The following TGM2 variants were observed in gnomAD, a reference collection of about 807,000 sequenced individuals.
TGM2 encodes the protein protein-glutamine gamma-glutamyltransferase 2.
TGM2 carries 53 observed loss-of-function variants against 75.6 expected under a neutral mutation model. That is an observed-to-expected ratio of 0.70 (90% CI 0.56 to 0.88). The LOEUF (loss-of-function observed/expected upper bound fraction) is 0.88. Ranked by LOEUF, TGM2 falls within the 40% of genes least tolerant of loss-of-function variation. TGM2 has a pLI of 0.00. For synonymous variants in TGM2, 374 were observed against 381.1 expected, an observed-to-expected ratio of 0.98 and a Z score of 0.22; for missense variants, 842 against 928.5, an observed-to-expected ratio of 0.91 and a Z score of 1.21.
At position 38,148,675 on chromosome 20, in the gene TGM2, CCT is replaced by C. The variant is rs147112461; in HGVS notation, c.553-588_553-587del. ...GGCCCTTCATGATCTGCTCCCATCC[CCT>C]TTTTGACCTCATCTCTCACCACTCA... is the stretch of plus-strand genomic sequence containing the variant. On this transcript the variant is annotated intron_variant, in intron 4 of 12. Coordinates refer to ENST00000361475, the MANE Select transcript of TGM2 (RefSeq NM_004613.4). 4.6e-3 allele frequency among the ~76,000 whole-genome samples: 697 copies of C among 152,314 alleles called. 3 individuals are homozygous for C. Among genetic ancestry groups the C allele is most frequent in the Non-Finnish European group, 8.0e-3 (542 of 68,036 alleles).
upstream of TGM2, chr20:38,165,504 T>G: frequency 1.9e-6 from 1 of 515,584 alleles, no homozygotes; most frequent in Non-Finnish European, 3.4e-6. Context: ...CAGACACACC[T>G]GGACCCACAG....
intron 3 of TGM2, among the ~76,000 whole-genome samples, chr20:38,153,789 CA>C (rs1441233104): frequency 1.3e-5 from 2 of 152,048 alleles, no homozygotes; most frequent in Non-Finnish European, 2.9e-5. Context: ...AGGGGGAGGC[CA>C]TTTCTCTGTA....
intron 12 of TGM2, among the ~76,000 whole-genome samples, chr20:38,130,635 T>C (rs1350299293): frequency 1.3e-5 from 2 of 152,178 alleles, no homozygotes; most frequent in Admixed American, 1.3e-4. Flanking sequence ...TGTGTGAAAA[T>C]GTATTGAGCT....
rs142761662 is a variant in TGM2, at chr20:38,146,765, G to C, written c.811C>G (p.Arg271Gly). Residue 271 changes from arginine to glycine, a missense_variant, in exon 6 of 13, where the codon CGC becomes GGC. Physicochemically the swap from Arg to Gly is moderately radical, Grantham distance 125. Coordinates refer to ENST00000361475, the MANE Select transcript of TGM2 (RefSeq NM_004613.4). ...ACCCAGCACTGGCCATACTTGACGC[G>C]CTGGCAGCCGTGGTTCTTCCAGCGC... ...LRRWKNHGCQ[R>G]VKYGQCWVFA... 1 of 1,613,684 alleles carries C rather than the reference G, an allele frequency of 6.2e-7. No individual in the cohort carries two copies. The highest frequency in any genetic ancestry group is 8.5e-7 in the Non-Finnish European group (1 of 1,179,898).
chr20:38,165,671 AACAC>A (rs71833660), upstream of TGM2, among the ~76,000 whole-genome samples: 471 of 143,264 alleles, frequency 3.3e-3, 4 homozygotes, highest in Middle Eastern at 6.9e-3. Flanking sequence ...CCCCACCCCC[AACAC>A]ACACACACAC....
intron 10 of TGM2, chr20:38,132,856 C>T (rs1377071561): frequency 1.3e-5 from 6 of 464,470 alleles, no homozygotes; most frequent in East Asian, 6.7e-5. Flanking sequence ...ATGAGCTGAG[C>T]GAGTGTCCCG....
chr20:38,148,201 TG>T, intron 4 of TGM2, 112 bp from the exon 5 acceptor site: 1 of 1,429,140 alleles, frequency 7.0e-7, no homozygotes, highest in Non-Finnish European at 9.8e-7. Flanking sequence ...CACAGCAGAC[TG>T]GGACACTCCG....
chr20:38,156,874 G>A (rs996233267), intron 2 of TGM2, among the ~76,000 whole-genome samples: 4 of 152,216 alleles, frequency 2.6e-5, no homozygotes, highest in African/African-American at 9.7e-5. Context: ...TCTGAAGTGG[G>A]TCTTTAGCTC....
intron 12 of TGM2, among the ~76,000 whole-genome samples, chr20:38,130,571 A>G (rs1010046474): frequency 6.6e-6 from 1 of 152,270 alleles, no homozygotes; most frequent in African/African-American, 2.4e-5. Context: ...GTCCGTGTGC[A>G]TAAAAGCAGA....
chr20:38,130,958 G>A lies in TGM2; in HGVS notation c.1913+135C>T, dbSNP rs373906202. 6 of 1,388,658 alleles carry A rather than the reference G, an allele frequency of 4.3e-6. No individual in the cohort carries two copies. In the African/African-American group the frequency reaches 7.2e-5, roughly 17 times the overall value. The allele number at this position is 1,388,658 out of a possible 1,614,324, so 86.0% of individuals were successfully genotyped here. A position where few individuals can be genotyped will look rare whatever the true frequency, so the allele number is the denominator to read the frequency against. The stretch of plus-strand genomic sequence containing the variant: ...TGGGAACTCTAGCCCCAGGGTGTCT[G>A]GGAGTGGGCACAGCTGTGTGGGAGA... On this transcript the variant is annotated intron_variant, in intron 12 of 12. Transcript: ENST00000361475.
In TGM2 at chr20:38,156,081, G is replaced by C. The variant is rs1400874860; in HGVS notation, c.199C>G (p.Pro67Ala). The change falls in exon 3 of 13, where the codon CCT becomes GCT. Residue 67 changes from proline to alanine, a missense_variant. Transcript: ENST00000361475. ...LTFSVVTGPA[P>A]SQEAGTKARF... ...GCCTTGGTCCCGGCCTCCTGGCTAGGGGCTGGGCCTGTGGAGGGAGAAGCA... is the reference window on the plus strand; with the variant it reads ...GCCTTGGTCCCGGCCTCCTGGCTAGCGGCTGGGCCTGTGGAGGGAGAAGCA... The C allele has an allele frequency of 3.1e-6, 5 of 1,612,752 alleles. No homozygotes were observed. The highest frequency in any genetic ancestry group is 3.4e-6 in the Non-Finnish European group (4 of 1,179,844).
rs2122830368 is a variant in TGM2 at position 38,128,031 on chromosome 20, C to T, written c.*2188G>A. 6.6e-6 allele frequency: 1 copy of T among 152,272 alleles called. No homozygotes were observed. The highest frequency in any genetic ancestry group is 6.5e-5 in the Admixed American group (1 of 15,294). 9.4% of individuals were successfully genotyped at this position (152,272 alleles called of 1,614,324 possible). On this transcript the variant is annotated 3_prime_UTR_variant, in exon 13 of 13. Coordinates refer to ENST00000361475, the MANE Select transcript of TGM2 (RefSeq NM_004613.4). Reference sequence around the variant, plus strand: ...TAGGCCAACGTGGAAGTAAAATTTACTGTGATAAATGTTTGAATTGGTCCA... The same window carrying T: ...TAGGCCAACGTGGAAGTAAAATTTATTGTGATAAATGTTTGAATTGGTCCA...
At chr20:38,159,701 G>A (rs1025445220) in intron 2 of TGM2, among the ~76,000 whole-genome samples, 4 of 152,188 alleles carry the variant, frequency 2.6e-5, no homozygotes, top group African/African-American at 7.2e-5. Context: ...CTCTGCAGTC[G>A]GGGTTTGAAG....
chr20:38,166,878 T>C (rs1209584487), upstream of TGM2, among the ~76,000 whole-genome samples: 2 of 152,048 alleles, frequency 1.3e-5, no homozygotes, highest in African/African-American at 4.8e-5. Context: ...GGTGAAAGCT[T>C]GGAGGAAAGA....
In TGM2 at chr20:38,148,014, C is replaced by A; in HGVS notation, c.628G>T (p.Asp210Tyr). ...ACGGGGCTGCTGCGGCGGGAGCAGT[C>A]ACGGCCGGCGTTCTTCAGGAACTTG... ...NPKFLKNAGR[D>Y]CSRRSSPVYV... is the part of the protein sequence containing the mutation. Residue 210 changes from aspartate (D) to tyrosine (Y), a missense_variant, in exon 5 of 13, where the codon GAC becomes TAC. Asp to Tyr is a radical substitution (Grantham distance 160). Transcript: ENST00000361475. 6.2e-7 allele frequency: 1 copy of A among 1,611,508 alleles called. No individual in the cohort carries two copies. Among genetic ancestry groups the A allele is most frequent in the South Asian group, 1.1e-5 (1 of 90,798 alleles).
chr20:38,130,520 T>C (rs2074814746), intron 12 of TGM2, 151 bp from the exon 13 acceptor site: 1 of 839,518 alleles, frequency 1.2e-6, no homozygotes, highest in East Asian at 2.7e-5. Context: ...GCCTGGACAA[T>C]CTGCCCTCCT....
At chr20:38,161,047 C>G (rs552125190) in intron 2 of TGM2, among the ~76,000 whole-genome samples, 1 of 152,060 alleles carries the variant, frequency 6.6e-6, no homozygotes, top group East Asian at 1.9e-4. Flanking sequence ...TCAGGTGATC[C>G]GCCCTCCTCA....
At chr20:38,158,875 A>C (rs562357685) in intron 2 of TGM2, among the ~76,000 whole-genome samples, 9 of 152,110 alleles carry the variant, frequency 5.9e-5, no homozygotes, top group Non-Finnish European at 1.3e-4. Flanking sequence ...CCAGGCCTGG[A>C]GTTGGGGGAG....
rs1175618380 is a variant in TGM2, at chr20:38,127,684, T to C, written c.*2535A>G. On this transcript the variant is annotated 3_prime_UTR_variant, in exon 13 of 13. Transcript: ENST00000361475. Reference sequence around the variant, plus strand: ...ACATTTCAAAGATTGAGTACAAAAATAAGAAGGTCAAATACCTTACTAATT... The same window carrying C: ...ACATTTCAAAGATTGAGTACAAAAACAAGAAGGTCAAATACCTTACTAATT... The C allele has an allele frequency of 6.6e-6, 1 of 152,186 alleles. No homozygotes were observed. The highest frequency in any genetic ancestry group is 1.9e-4 in the East Asian group (1 of 5,198). 9.4% of individuals were successfully genotyped at this position (152,186 alleles called of 1,614,324 possible).
Sources: gnomAD v4.1 joint callset for allele counts (sites outside exome capture counted in the v4.1 genomes callset) on GRCh38, gnomAD v4.1.1 for gene constraint, MANE v1.5 for transcripts, NCBI Gene and HGNC (gene_info 2026-07-23, HGNC 2026-07-21) for gene names.